The following ATRNL1 variants were observed in gnomAD, a reference collection of about 807,000 sequenced individuals.
ATRNL1 encodes the protein attractin-like protein 1.
ATRNL1 carries 95 observed loss-of-function variants against 182.7 expected under a neutral mutation model. That is an observed-to-expected ratio of 0.52 (90% confidence interval 0.44 to 0.62). ATRNL1 has a LOEUF of 0.62. Among genes scored for constraint, ATRNL1 ranks in the 20% least tolerant of loss-of-function variants. ATRNL1 has a pLI of 0.00. For synonymous variants in ATRNL1, 576 were observed against 568.3 expected, an observed-to-expected ratio of 1.01 and a Z score of -0.19; for missense variants, 1,471 against 1,679.5, an observed-to-expected ratio of 0.88 and a Z score of 2.17.
At chr10:115,844,095 G>T (rs781823311) in intron 27 of ATRNL1, among the ~76,000 whole-genome samples, 1 of 152,022 alleles carries the variant, frequency 6.6e-6, no homozygotes, top group African/African-American at 2.4e-5. Context: ...GCCTTGAAGC[G>T]ACTTAGTTTA....
chr10:115,696,226 T>C (rs932758174), intron 26 of ATRNL1, among the ~76,000 whole-genome samples: 68 of 152,316 alleles, frequency 4.5e-4, no homozygotes, highest in African/African-American at 1.6e-3. Context: ...CAGTCTAGCA[T>C]TGATGCTCAT....
chr10:115,823,464 A>G (rs1950351856), intron 27 of ATRNL1, among the ~76,000 whole-genome samples: 2 of 152,218 alleles, frequency 1.3e-5, no homozygotes, highest in Admixed American at 6.5e-5. Context: ...AGGGTATTCA[A>G]TTCGGAAGAG....
At chr10:115,149,038 G>T (rs991299756) in intron 5 of ATRNL1, among the ~76,000 whole-genome samples, 8 of 152,022 alleles carry the variant, frequency 5.3e-5, no homozygotes, top group African/African-American at 1.7e-4. Flanking sequence ...GCCTGGCTGT[G>T]GTTGGTTTTA....
intron 26 of ATRNL1, among the ~76,000 whole-genome samples, chr10:115,632,864 T>TTTTA (rs1858603626): frequency 3.0e-4 from 41 of 136,570 alleles, no homozygotes; most frequent in African/African-American, 1.1e-3. Context: ...TCACATTAAC[T>TTTTA]TTTTATTTTA....
rs573328698 is a variant in ATRNL1, at chr10:115,771,202, A to C, written c.3903+43847A>C. On this transcript the variant is annotated intron_variant, in intron 27 of 28. Transcript: ENST00000355044. Reference sequence around the variant, plus strand: ...TGACTTTACCAAAGTTATTATTACAACCAGGACTAGAATTCATAGGATTCT... The same window carrying C: ...TGACTTTACCAAAGTTATTATTACACCCAGGACTAGAATTCATAGGATTCT... Among the ~76,000 whole-genome samples the C allele has an allele frequency of 1.4e-4, 22 of 151,734 alleles. No homozygotes were observed. The South Asian group carries it at 4.6e-3, about 32-fold the overall frequency.
intron 10 of ATRNL1, among the ~76,000 whole-genome samples, chr10:115,255,623 C>T (rs1592331708): frequency 6.6e-6 from 1 of 152,208 alleles, no homozygotes; most frequent in East Asian, 1.9e-4. Context: ...ATTGAATACC[C>T]TTTATTTCTT....
At position 115,947,515 on chromosome 10, in the gene ATRNL1, C is replaced by G. The variant is rs911797795; in HGVS notation, c.*2736C>G. The G allele has an allele frequency of 2.0e-5, 3 of 152,560 alleles. No individual in the cohort carries two copies. Among genetic ancestry groups the G allele is most frequent in the Non-Finnish European group, 2.9e-5 (2 of 68,038 alleles). 9.5% of individuals were successfully genotyped at this position (152,560 alleles called of 1,614,324 possible). ...AATTCCTATTGGAAAAGAATTTGCA[C>G]ATACTTACAGATTCAGCTAATAAAT... On this transcript the variant is annotated 3_prime_UTR_variant, in exon 29 of 29. Transcript: ENST00000355044.
chr10:115,188,253 A>T lies in ATRNL1; in HGVS notation c.1348+16961A>T, dbSNP rs562784481. 1.1e-4 allele frequency among the ~76,000 whole-genome samples: 17 copies of T among 152,284 alleles called. No individual in the cohort carries two copies. The South Asian group carries it at 3.5e-3, about 32-fold the overall frequency. On this transcript the variant is annotated intron_variant, in intron 8 of 28. Transcript: ENST00000355044. Reference sequence around the variant, plus strand: ...AAATGTGAAAATAGAAGAAGTAGATAAATGTTTTTTCATATTTGGTTATGT... The same window carrying T: ...AAATGTGAAAATAGAAGAAGTAGATTAATGTTTTTTCATATTTGGTTATGT...
At chr10:115,421,184 A>G (rs1395291508) in intron 20 of ATRNL1, among the ~76,000 whole-genome samples, 1 of 152,192 alleles carries the variant, frequency 6.6e-6, no homozygotes, top group Non-Finnish European at 1.5e-5. Flanking sequence ...CATTCTTCCA[A>G]ACTCATTCTA....
At chr10:115,505,377 A>T (rs1016542802) in intron 24 of ATRNL1, among the ~76,000 whole-genome samples, 1 of 152,132 alleles carries the variant, frequency 6.6e-6, no homozygotes, top group Non-Finnish European at 1.5e-5. Flanking sequence ...AAAACCCAAA[A>T]GTAGCCTCTG....
chr10:115,332,198 C>T (rs557904925), intron 18 of ATRNL1, among the ~76,000 whole-genome samples: 11 of 152,134 alleles, frequency 7.2e-5, no homozygotes, highest in African/African-American at 2.7e-4. Flanking sequence ...TCCTGGAGAC[C>T]TTTCTGTGTA....
rs1308539176 is a variant in ATRNL1, at chr10:115,655,470, A to G, written c.3796-71778A>G. On this transcript the variant is annotated intron_variant, in intron 26 of 28. Transcript: ENST00000355044. ...CATGAACAAAGTTTGAAGGACCCTA[A>G]GGAATAAAATTTTAGTAAATAAAGT... Among the ~76,000 whole-genome samples, 7 of 152,184 alleles carry G rather than the reference A, an allele frequency of 4.6e-5. No homozygotes were observed. In the South Asian group the frequency reaches 1.2e-3, roughly 27 times the overall value.
intron 26 of ATRNL1, among the ~76,000 whole-genome samples, chr10:115,677,277 A>G (rs1593052247): frequency 6.6e-6 from 1 of 152,100 alleles, no homozygotes. Flanking sequence ...GGTAGCATAC[A>G]TAAGCTTTAT....
intron 8 of ATRNL1, among the ~76,000 whole-genome samples, chr10:115,174,834 A>G (rs369768220): frequency 1.3e-5 from 2 of 151,950 alleles, no homozygotes; most frequent in Non-Finnish European, 1.5e-5. Context: ...CCCTGATCCA[A>G]CTTAAATTAA....
At chr10:115,627,076 A>G (rs907182409) in intron 26 of ATRNL1, among the ~76,000 whole-genome samples, 40 of 152,158 alleles carry the variant, frequency 2.6e-4, no homozygotes, top group Non-Finnish European at 1.0e-4. Context: ...AACCATTTTA[A>G]ACAGCCCGGT....
chr10:115,579,937 A>C (rs1056819360), intron 26 of ATRNL1, among the ~76,000 whole-genome samples: 13 of 152,008 alleles, frequency 8.6e-5, no homozygotes, highest in Non-Finnish European at 1.9e-4. Context: ...TAGTTATAAC[A>C]GTCTCTGCTT....
rs10466205 is a variant in ATRNL1 at position 115,545,659 on chromosome 10, A to T, written c.3717-3799A>T. On this transcript the variant is annotated intron_variant, in intron 25 of 28. Transcript: ENST00000355044. ...TATTCCCGTCTCAAACTGAATCTTT[A>T]TTATGTAACTCTTAAGGAAGAGGAA... Among the ~76,000 whole-genome samples the T allele has an allele frequency of 9.5e-3, 1,448 of 152,334 alleles. 21 individuals are homozygous for T. Among genetic ancestry groups the T allele is most frequent in the African/African-American group, 0.033 (1,367 of 41,576 alleles).
intron 26 of ATRNL1, among the ~76,000 whole-genome samples, chr10:115,701,144 C>T (rs2133994900): frequency 6.6e-6 from 1 of 151,984 alleles, no homozygotes; most frequent in East Asian, 1.9e-4. Context: ...AAATCAATAC[C>T]AATAAGATCT....
chr10:115,263,192 T>C (rs533748423), intron 10 of ATRNL1, among the ~76,000 whole-genome samples: 1 of 151,920 alleles, frequency 6.6e-6, no homozygotes, highest in African/African-American at 2.4e-5. Flanking sequence ...TAAATTTAAA[T>C]GAGCTGTTGA....
Sources: allele counts gnomAD v4.1 joint callset (sites outside exome capture counted in the v4.1 genomes callset), GRCh38; gene constraint gnomAD v4.1.1; transcripts MANE v1.5; gene names NCBI Gene and HGNC (gene_info 2026-07-23, HGNC 2026-07-21).